The following SGCD variants were observed in gnomAD, a reference collection of about 807,000 sequenced individuals.
The protein encoded by SGCD is delta-sarcoglycan.
SGCD carries 18 observed loss-of-function variants against 36.6 expected under a neutral mutation model. The ratio of observed to expected loss-of-function variants is 0.49; its 90% confidence interval spans 0.34 to 0.73. SGCD has a LOEUF of 0.73. Ranked by LOEUF, SGCD falls within the 30% of genes least tolerant of loss-of-function variation. SGCD has a pLI of 0.01. For synonymous variants in SGCD, 133 were observed against 130.6 expected, an observed-to-expected ratio of 1.02 and a Z score of -0.12; for missense variants, 387 against 346.7, an observed-to-expected ratio of 1.12 and a Z score of -0.92.
chr5:156,757,557 T>C (rs1345705671), intron 7 of SGCD, 24 bp from the exon 8 acceptor site: 3 of 1,439,654 alleles, frequency 2.1e-6, no homozygotes, highest in Middle Eastern at 1.8e-4. Context: ...GGGATCTTTA[T>C]TGACGATCTT....
intron 3 of SGCD, among the ~76,000 whole-genome samples, chr5:156,164,341 A>C (rs540604247): frequency 6.8e-6 from 1 of 147,952 alleles, no homozygotes; most frequent in South Asian, 2.1e-4. Flanking sequence ...CTAGTTTCTT[A>C]TTCTCCTTTC....
At chr5:156,299,272 G>T (rs1296930581) in intron 3 of SGCD, among the ~76,000 whole-genome samples, 1 of 152,036 alleles carries the variant, frequency 6.6e-6, no homozygotes, top group Admixed American at 6.6e-5. Flanking sequence ...TTATTTGGGG[G>T]TCCTATGTGC....
intron 1 of SGCD, among the ~76,000 whole-genome samples, chr5:155,962,441 C>T (rs78079693): frequency 0.018 from 2,801 of 152,150 alleles, 90 homozygotes; most frequent in African/African-American, 0.062. Flanking sequence ...GCTGAGGACT[C>T]GCATTGCCCT....
intron 7 of SGCD, among the ~76,000 whole-genome samples, chr5:156,734,795 T>C (rs1756263559): frequency 6.6e-6 from 1 of 152,244 alleles, no homozygotes; most frequent in Non-Finnish European, 1.5e-5. Context: ...TTCCTTGCAT[T>C]GGGTTACAAT....
In SGCD at chr5:156,647,473, G is replaced by A. The variant is rs1231277878; in HGVS notation, c.512G>A (p.Gly171Asp). 2 of 1,583,326 alleles carry A rather than the reference G, an allele frequency of 1.3e-6. No individual in the cohort carries two copies. Among genetic ancestry groups the A allele is most frequent in the East Asian group, 2.3e-5 (1 of 43,916 alleles). The change falls in exon 7 of 9, where the codon GGC becomes GAC. Residue 171 changes from glycine (G) to aspartate (D), a missense_variant. By Grantham distance (94) the Gly-to-Asp change is moderately conservative. Coordinates refer to ENST00000337851, the MANE Select transcript of SGCD (RefSeq NM_000337.6). Reference protein sequence around the residue: ...AERLRVLGAEGTVFPKSIETP... With the variant: ...AERLRVLGAEDTVFPKSIETP... ...TCTGTTTTGTTTACAGGAGCGGAGG[G>A]CACAGTGTTCCCTAAATCTATAGAA...
intron 1 of SGCD, among the ~76,000 whole-genome samples, chr5:155,948,384 A>T (rs946349631): frequency 6.6e-6 from 1 of 152,220 alleles, no homozygotes; most frequent in Non-Finnish European, 1.5e-5. Context: ...TGGCTGGCCA[A>T]GTCGGAAGCA....
chr5:155,835,459 A>T, the SGCD span, among the ~76,000 whole-genome samples: 1 of 152,144 alleles, frequency 6.6e-6, no homozygotes, highest in Admixed American at 6.5e-5. Context: ...CCCCCAGAGA[A>T]TGGCTGTCTC....
rs1757572938 is a variant in SGCD, at chr5:156,765,581, C to G, written c.*6191C>G. 6.6e-6 allele frequency: 1 copy of G among 152,292 alleles called. No individual in the cohort carries two copies. The highest frequency in any genetic ancestry group is 2.4e-5 in the African/African-American group (1 of 41,564). 9.4% of individuals were successfully genotyped at this position (152,292 alleles called of 1,614,324 possible). A position where few individuals can be genotyped will look rare whatever the true frequency, so the allele number is the denominator to read the frequency against. Reference sequence around the variant, plus strand: ...AGAATATTTATTAATATTCACTGAGCTATTGCTAGCCACTGTGCTAAACAT... The same window carrying G: ...AGAATATTTATTAATATTCACTGAGGTATTGCTAGCCACTGTGCTAAACAT... On this transcript the variant is annotated 3_prime_UTR_variant, in exon 9 of 9. Transcript: ENST00000337851.
chr5:156,159,740 A>T (rs1561544372), intron 3 of SGCD, among the ~76,000 whole-genome samples: 1 of 151,692 alleles, frequency 6.6e-6, no homozygotes, highest in Non-Finnish European at 1.5e-5. Context: ...GCATTTTTAT[A>T]AATATTTACA....
At chr5:156,119,903 A>G (rs889994330) in intron 2 of SGCD, among the ~76,000 whole-genome samples, 2 of 152,226 alleles carry the variant, frequency 1.3e-5, no homozygotes, top group African/African-American at 2.4e-5. Context: ...AAAATGACAG[A>G]TTCCCTGAAG....
At chr5:156,217,248 T>C (rs375438959) in intron 3 of SGCD, among the ~76,000 whole-genome samples, 71 of 152,336 alleles carry the variant, frequency 4.7e-4, no homozygotes, top group South Asian at 4.1e-4. Context: ...TTCTGTTAAG[T>C]GTCTTAGTGT....
chr5:156,204,525 A>AT (rs1764227278), intron 3 of SGCD, among the ~76,000 whole-genome samples: 1 of 151,648 alleles, frequency 6.6e-6, no homozygotes, highest in Non-Finnish European at 1.5e-5. Flanking sequence ...AACTAGAGTG[A>AT]TTTTTTGATT....
chr5:156,634,824 A>G (rs1330526532), intron 6 of SGCD, among the ~76,000 whole-genome samples: 1 of 152,194 alleles, frequency 6.6e-6, no homozygotes, highest in Non-Finnish European at 1.5e-5. Context: ...CCTGCTTGAA[A>G]TGGAGAGGAG....
chr5:156,043,832 C>G (rs1759696234), intron 1 of SGCD, among the ~76,000 whole-genome samples: 2 of 152,154 alleles, frequency 1.3e-5, no homozygotes, highest in Non-Finnish European at 2.9e-5. Flanking sequence ...ATTAACTGTA[C>G]TCTCACAGTT....
chr5:155,800,421 T>C, the SGCD span, among the ~76,000 whole-genome samples: 1 of 152,190 alleles, frequency 6.6e-6, no homozygotes, highest in Non-Finnish European at 1.5e-5. Context: ...TTCATCCTGA[T>C]TGGGGAATTA....
At chr5:156,758,606 A>AAAAT (rs1179301748) in intron 8 of SGCD, among the ~76,000 whole-genome samples, 1 of 152,196 alleles carries the variant, frequency 6.6e-6, no homozygotes, top group Non-Finnish European at 1.5e-5. Context: ...CACACATATA[A>AAAAT]AAATAGTGGC....
chr5:156,050,240 A>G lies in SGCD; in HGVS notation c.-281-67638A>G, dbSNP rs142658191. On this transcript the variant is annotated intron_variant, in intron 1 of 9. Transcript: ENST00000517913. ...TCTTATTTTAAGAAATCGCCACAGC[A>G]ACCTTAATCTTCAGCAACCATCACC... 1.4e-4 allele frequency among the ~76,000 whole-genome samples: 21 copies of G among 146,628 alleles called. No homozygotes were observed. The East Asian group carries it at 4.1e-3, about 28-fold the overall frequency.
intron 2 of SGCD, among the ~76,000 whole-genome samples, chr5:156,341,160 G>A (rs1056306285): frequency 6.6e-6 from 1 of 152,132 alleles, no homozygotes; most frequent in Non-Finnish European, 1.5e-5. Context: ...AATTTGCTGT[G>A]TGACTTGAAA....
At chr5:156,250,718 A>T (rs1465197348) in intron 3 of SGCD, among the ~76,000 whole-genome samples, 1 of 152,232 alleles carries the variant, frequency 6.6e-6, no homozygotes. Context: ...GTGTTTGTTT[A>T]CAGATTATTA....
Sources: allele counts gnomAD v4.1 joint callset (sites outside exome capture counted in the v4.1 genomes callset), GRCh38; gene constraint gnomAD v4.1.1; transcripts MANE v1.5; gene names NCBI Gene and HGNC (gene_info 2026-07-23, HGNC 2026-07-21).